The following WLS variants were observed in gnomAD, a reference collection of about 807,000 sequenced individuals.
WLS encodes Wnt ligand secretion mediator.
WLS carries 23 observed loss-of-function variants against 62.8 expected under a neutral mutation model. The observed-to-expected ratio is 0.37, with a 90% CI of 0.26 to 0.52. WLS has a LOEUF of 0.52. Ranked by LOEUF, WLS falls within the 20% of genes least tolerant of loss-of-function variation. The pLI is 0.92. For synonymous variants in WLS, 246 were observed against 244.1 expected, an observed-to-expected ratio of 1.01 and a Z score of -0.07; for missense variants, 615 against 697.3, an observed-to-expected ratio of 0.88 and a Z score of 1.33.
intron 10 of WLS, chr1:68,141,609 G>C (rs989370138): frequency 2.6e-5 from 4 of 152,060 alleles, no homozygotes; most frequent in Non-Finnish European, 1.5e-5. Context: ...ATCCTGGCGA[G>C]ATCCCCTCGC....
downstream of WLS, among the ~76,000 whole-genome samples, chr1:68,120,652 T>A (rs185800650): frequency 5.1e-3 from 783 of 152,284 alleles, 7 homozygotes; most frequent in African/African-American, 0.018. Context: ...ATATGTAACT[T>A]ACAAAGTTGC....
chr1:68,231,133 C>CG (rs900505758), intron 1 of WLS, among the ~76,000 whole-genome samples: 1 of 152,066 alleles, frequency 6.6e-6, no homozygotes, highest in Admixed American at 6.6e-5. Flanking sequence ...CTTGAGGGGG[C>CG]GGGGGGCGCG....
intron 1 of WLS, among the ~76,000 whole-genome samples, chr1:68,223,134 T>C (rs1444177391): frequency 1.3e-5 from 2 of 152,180 alleles, no homozygotes; most frequent in Non-Finnish European, 2.9e-5. Flanking sequence ...ACTTACAAAA[T>C]GGCATAATCA....
chr1:68,171,010 C>T (rs1647145510), intron 2 of WLS, among the ~76,000 whole-genome samples: 1 of 152,138 alleles, frequency 6.6e-6, no homozygotes, highest in African/African-American at 2.4e-5. Context: ...AAGTGGTTTG[C>T]TCTATATTTT....
intron 11 of WLS, among the ~76,000 whole-genome samples, chr1:68,099,271 CAG>C (rs1646047452): frequency 6.6e-6 from 1 of 152,040 alleles, no homozygotes; most frequent in South Asian, 2.1e-4. Context: ...GAGATATACT[CAG>C]AGACAGGAAA....
intron 1 of WLS, chr1:68,231,463 G>A (rs907381617): frequency 3.7e-6 from 1 of 267,468 alleles, no homozygotes; most frequent in Non-Finnish European, 7.5e-6. Context: ...GTGGGCAGGA[G>A]GCCAAAAGCA....
intron 1 of WLS, among the ~76,000 whole-genome samples, chr1:68,196,718 T>G (rs1300672282): frequency 6.6e-6 from 1 of 152,166 alleles, no homozygotes; most frequent in African/African-American, 2.4e-5. Flanking sequence ...ATCCTTCATG[T>G]AGAAGGCTGA....
At position 68,183,575 on chromosome 1, in the gene WLS, C is replaced by T. The variant is rs147113488; in HGVS notation, c.379+10380G>A. 3,896 of 532,842 alleles carry T rather than the reference C, an allele frequency of 7.3e-3. 29 individuals carry two copies. Among genetic ancestry groups the T allele is most frequent in the Non-Finnish European group, 9.1e-3 (2,366 of 259,456 alleles). The allele number at this position is 532,842 out of a possible 1,614,324, so 33.0% of individuals were successfully genotyped here. A position where few individuals can be genotyped will look rare whatever the true frequency, so the allele number is the denominator to read the frequency against. On this transcript the variant is annotated intron_variant, in intron 2 of 11. Coordinates refer to ENST00000262348, the MANE Select transcript of WLS (RefSeq NM_024911.7). ...GTTCCCAGAAGGATTCTTTGACTTT[C>T]ATCCTTCTACAAATTCACCCATCAC...
At chr1:68,146,114 C>T in intron 8 of WLS, 102 bp from the exon 9 acceptor site, 1 of 1,351,202 alleles carries the variant, frequency 7.4e-7, no homozygotes, top group Non-Finnish European at 1.0e-6. Context: ...GTTTTGTCTC[C>T]AAATATGTAG....
intron 11 of WLS, among the ~76,000 whole-genome samples, chr1:68,111,539 T>C (rs1157220484): frequency 6.6e-6 from 1 of 152,196 alleles, no homozygotes; most frequent in African/African-American, 2.4e-5. Context: ...TCACAAGGAC[T>C]GGGGGACCCT....
chr1:68,227,592 A>G (rs1650217324), intron 1 of WLS, among the ~76,000 whole-genome samples: 2 of 152,112 alleles, frequency 1.3e-5, no homozygotes, highest in African/African-American at 4.8e-5. Context: ...GCTCTTTTAA[A>G]AAAGATTAAT....
intron 2 of WLS, among the ~76,000 whole-genome samples, chr1:68,160,592 A>G (rs930798245): frequency 3.3e-5 from 5 of 152,184 alleles, no homozygotes; most frequent in African/African-American, 1.2e-4. Flanking sequence ...AACAAATTTT[A>G]ATTACTTTTT....
chr1:68,186,986 C>T lies in WLS; in HGVS notation c.379+6969G>A, dbSNP rs531118991. ...CCGCATTTTGGGAGGCCGAGGCGGG[C>T]GGATCACAAGGTCAGGAGATCGAGA... On this transcript the variant is annotated intron_variant, in intron 2 of 11. Coordinates refer to ENST00000262348, the MANE Select transcript of WLS (RefSeq NM_024911.7). Among the ~76,000 whole-genome samples the T allele has an allele frequency of 1.6e-3, 248 of 151,602 alleles. 6 individuals are homozygous for T. The highest frequency in any genetic ancestry group is 9.7e-4 in the East Asian group (5 of 5,156).
In WLS at chr1:68,129,183, G is replaced by C. The variant is rs188193268; in HGVS notation, c.1517-2848C>G. On this transcript the variant is annotated intron_variant, in intron 11 of 11. Transcript: ENST00000262348. Reference sequence around the variant, plus strand: ...TACTAAAATTAAAAAAATTAACCGGGTGTGGTGGCGCATGCCTGTAAGTCC... The same window carrying C: ...TACTAAAATTAAAAAAATTAACCGGCTGTGGTGGCGCATGCCTGTAAGTCC... Among the ~76,000 whole-genome samples, 78 of 152,202 alleles carry C rather than the reference G, an allele frequency of 5.1e-4. No individual in the cohort carries two copies. The Middle Eastern group carries it at 0.014, about 27-fold the overall frequency.
downstream of WLS, among the ~76,000 whole-genome samples, chr1:68,121,584 T>TTG (rs1185638157): frequency 2.0e-5 from 3 of 152,108 alleles, no homozygotes; most frequent in African/African-American, 7.2e-5. Flanking sequence ...CAAAACATGA[T>TTG]GGAGAGACAG....
intron 1 of WLS, among the ~76,000 whole-genome samples, chr1:68,226,090 A>AT (rs1004864657): frequency 1.3e-5 from 2 of 152,204 alleles, no homozygotes; most frequent in Non-Finnish European, 2.9e-5. Flanking sequence ...GCTGGACTCC[A>AT]TTTCATTTAT....
Position 68,131,354 on chromosome 1 carries a change from G to A in WLS, c.1517-5019C>T, listed in dbSNP as rs547757300. Among the ~76,000 whole-genome samples, 11 of 152,176 alleles carry A rather than the reference G, an allele frequency of 7.2e-5. 1 individual carries two copies. Among genetic ancestry groups the A allele is most frequent in the South Asian group, 2.1e-4 (1 of 4,810 alleles). ...ATGGCTGGGTCTAGCCTAGCATATC[G>A]GCACTGGTGTTCTTCCCCACTGGCA... On this transcript the variant is annotated intron_variant, in intron 11 of 11. Transcript: ENST00000262348.
intron 11 of WLS, among the ~76,000 whole-genome samples, chr1:68,106,340 G>C (rs1490716980): frequency 6.6e-6 from 1 of 152,132 alleles, no homozygotes; most frequent in Non-Finnish European, 1.5e-5. Flanking sequence ...ACTTCGAGGG[G>C]GGCCTAAGGG....
intron 1 of WLS, among the ~76,000 whole-genome samples, chr1:68,224,776 G>C (rs940617743): frequency 2.0e-5 from 3 of 152,096 alleles, no homozygotes; most frequent in Non-Finnish European, 4.4e-5. Context: ...AAACGAAAAG[G>C]TGGGGGGGAT....
Sources: gnomAD v4.1 joint callset for allele counts (sites outside exome capture counted in the v4.1 genomes callset) on GRCh38, gnomAD v4.1.1 for gene constraint, MANE v1.5 for transcripts, NCBI Gene and HGNC (gene_info 2026-07-23, HGNC 2026-07-21) for gene names.